The following GSG1L variants were observed in gnomAD, a reference collection of about 807,000 sequenced individuals.
GSG1L encodes germ cell-specific gene 1-like protein.
In GSG1L, 24 loss-of-function variants were observed where a neutral mutation model predicts 42.1. The ratio of observed to expected loss-of-function variants is 0.57; its 90% CI spans 0.41 to 0.80. The LOEUF (loss-of-function observed/expected upper bound fraction) is 0.80. Among genes scored for constraint, GSG1L ranks in the 30% least tolerant of loss-of-function variants. The pLI is 0.00. For synonymous variants in GSG1L, 215 were observed against 203.5 expected, an observed-to-expected ratio of 1.06 and a Z score of -0.48; for missense variants, 445 against 472.2, an observed-to-expected ratio of 0.94 and a Z score of 0.53.
intron 2 of GSG1L, among the ~76,000 whole-genome samples, chr16:27,896,341 C>T (rs2084192329): frequency 6.6e-6 from 1 of 152,174 alleles, no homozygotes; most frequent in Non-Finnish European, 1.5e-5. Flanking sequence ...AAGGTGTCCC[C>T]TTCCTAATCC....
chr16:28,053,621 G>C (rs1020524666), intron 1 of GSG1L, among the ~76,000 whole-genome samples: 1 of 152,202 alleles, frequency 6.6e-6, no homozygotes, highest in Non-Finnish European at 1.5e-5. Flanking sequence ...GAAGGGCCAC[G>C]TGTGCTGCTA....
intron 1 of GSG1L, among the ~76,000 whole-genome samples, chr16:28,001,870 T>C (rs1436306141): frequency 6.6e-6 from 1 of 152,186 alleles, no homozygotes; most frequent in African/African-American, 2.4e-5. Context: ...CACCCGCTGC[T>C]TGGCAACCTT....
chr16:27,955,928 A>G lies in GSG1L; in HGVS notation c.397+7228T>C, dbSNP rs8052632. Among the ~76,000 whole-genome samples, 513 of 56,396 alleles carry G rather than the reference A, an allele frequency of 9.1e-3. 1 individual carries two copies. Among genetic ancestry groups the G allele is most frequent in the African/African-American group, 0.02 (272 of 13,388 alleles). 37.0% of individuals were successfully genotyped at this position (56,396 alleles called of 152,430 possible). The stretch of plus-strand genomic sequence containing the variant: ...AGGAAGGAAGGAAGGAAGGAAGGAA[A>G]GAAGGAAGGAAGGAAGGGAGGAAGG... On this transcript the variant is annotated intron_variant, in intron 2 of 6. Coordinates refer to ENST00000447459, the MANE Select transcript of GSG1L (RefSeq NM_001109763.2).
At chr16:27,924,583 T>A (rs1345055336) in intron 2 of GSG1L, among the ~76,000 whole-genome samples, 1 of 152,170 alleles carries the variant, frequency 6.6e-6, no homozygotes, top group African/African-American at 2.4e-5. Flanking sequence ...CCAAAGAGCA[T>A]GGAGACCTGA....
intron 3 of GSG1L, among the ~76,000 whole-genome samples, chr16:27,848,523 T>C (rs914794834): frequency 1.3e-5 from 2 of 152,188 alleles, no homozygotes; most frequent in African/African-American, 2.4e-5. Flanking sequence ...GCTTTTCACA[T>C]GCCAGACACT....
chr16:28,019,223 G>A (rs532958152), intron 1 of GSG1L, among the ~76,000 whole-genome samples: 7 of 152,210 alleles, frequency 4.6e-5, no homozygotes, highest in Non-Finnish European at 7.3e-5. Context: ...CAAAGACCCT[G>A]CTGATAAAAC....
rs78988514 is a variant in GSG1L, at chr16:27,971,460, G to A, written c.350-8257C>T. 5.4e-3 allele frequency among the ~76,000 whole-genome samples: 827 copies of A among 152,240 alleles called. 5 individuals carry two copies. Among genetic ancestry groups the A allele is most frequent in the African/African-American group, 0.019 (788 of 41,542 alleles). On this transcript the variant is annotated intron_variant, in intron 1 of 6. Coordinates refer to ENST00000447459, the MANE Select transcript of GSG1L (RefSeq NM_001109763.2). ...TCATTTTGGATTGTTCATTGCCAGTGTATAGAAATATAATTAAATTTTGTA... is the reference window on the plus strand; with the variant it reads ...TCATTTTGGATTGTTCATTGCCAGTATATAGAAATATAATTAAATTTTGTA...
In GSG1L at chr16:27,997,438, G is replaced by A. The variant is rs7186529; in HGVS notation, c.350-34235C>T. Among the ~76,000 whole-genome samples the A allele has an allele frequency of 7.9e-3, 1,139 of 143,998 alleles. 13 individuals carry two copies. Among genetic ancestry groups the A allele is most frequent in the African/African-American group, 0.027 (1,059 of 39,108 alleles). The allele number at this position is 143,998 out of a possible 152,430, so 94.5% of individuals were successfully genotyped here. A position where few individuals can be genotyped will look rare whatever the true frequency, so the allele number is the denominator to read the frequency against. On this transcript the variant is annotated intron_variant, in intron 1 of 6. Coordinates refer to ENST00000447459, the MANE Select transcript of GSG1L (RefSeq NM_001109763.2). ...GGATTCAAGCAATTCTCCTGCCTCA[G>A]CCTCCCAAGTAGCTGGGATTACATG...
intron 1 of GSG1L, among the ~76,000 whole-genome samples, chr16:27,996,976 G>T (rs1797317695): frequency 1.3e-5 from 2 of 152,084 alleles, no homozygotes. Flanking sequence ...TGGCCAGGCT[G>T]GTCTCGAACT....
At chr16:27,879,397 G>A (rs1401329175) in intron 3 of GSG1L, among the ~76,000 whole-genome samples, 1 of 152,140 alleles carries the variant, frequency 6.6e-6, no homozygotes, top group African/African-American at 2.4e-5. Flanking sequence ...TGGAGGACAG[G>A]TGTTGAAGGC....
rs1284726292 is a variant in GSG1L at position 27,828,897 on chromosome 16, T to C, written c.722A>G (p.Tyr241Cys). 1.2e-6 allele frequency: 2 copies of C among 1,614,008 alleles called. No individual in the cohort carries two copies. The highest frequency in any genetic ancestry group is 1.7e-6 in the Non-Finnish European group (2 of 1,180,026). ...MAASVTTLNS[Y>C]TKTVIEFRHK... ...CCGGAACTCAATGACCGTCTTGGTGTAGGAGTTGAGCGTGGTGACAGAGGC... is the reference window on the plus strand; with the variant it reads ...CCGGAACTCAATGACCGTCTTGGTGCAGGAGTTGAGCGTGGTGACAGAGGC... Residue 241 changes from tyrosine (Y) to cysteine (C), a missense_variant, in exon 5 of 7, where the codon TAC becomes TGC. Tyr to Cys is a radical substitution (Grantham distance 194, BLOSUM62 -2). Coordinates refer to ENST00000447459, the MANE Select transcript of GSG1L (RefSeq NM_001109763.2).
intron 3 of GSG1L, among the ~76,000 whole-genome samples, chr16:27,879,149 A>C (rs6498044): frequency 6.6e-6 from 1 of 151,978 alleles, no homozygotes; most frequent in East Asian, 1.9e-4. Context: ...ACTCAGAGGG[A>C]CCTGATTCAA....
intron 6 of GSG1L, among the ~76,000 whole-genome samples, chr16:27,802,404 A>T (rs697504): frequency 5.3e-5 from 8 of 151,926 alleles, no homozygotes; most frequent in South Asian, 2.1e-4. Context: ...CTTCCTTATT[A>T]GCTGTTTGAC....
At chr16:27,886,316 T>G (rs911093563) in intron 2 of GSG1L, among the ~76,000 whole-genome samples, 4 of 152,170 alleles carry the variant, frequency 2.6e-5, no homozygotes, top group African/African-American at 9.7e-5. Context: ...GGCATGCACC[T>G]GTAATACCAG....
At chr16:27,985,394 C>G (rs2141129408) in intron 1 of GSG1L, among the ~76,000 whole-genome samples, 1 of 152,238 alleles carries the variant, frequency 6.6e-6, no homozygotes, top group East Asian at 1.9e-4. Flanking sequence ...CTCTCTTTCT[C>G]TAGCTCTCTC....
At chr16:28,053,860 C>A (rs1327534381) in intron 1 of GSG1L, among the ~76,000 whole-genome samples, 2 of 152,194 alleles carry the variant, frequency 1.3e-5, no homozygotes, top group Non-Finnish European at 2.9e-5. Context: ...CGGGTGTGCA[C>A]CCAATGCGGT....
At chr16:28,003,287 T>C (rs1252148556) in intron 1 of GSG1L, among the ~76,000 whole-genome samples, 2 of 152,182 alleles carry the variant, frequency 1.3e-5, no homozygotes, top group East Asian at 3.9e-4. Context: ...AATGGATGCT[T>C]GTTAACACAG....
At chr16:27,813,449 T>C (rs34620550) in intron 5 of GSG1L, among the ~76,000 whole-genome samples, 22,668 of 152,282 alleles carry the variant, frequency 0.15, 1,969 homozygotes, top group Middle Eastern at 0.21. Context: ...GTGTATGTAC[T>C]ACATTTTCTT....
At chr16:27,917,965 CA>C (rs1374331468) in intron 2 of GSG1L, among the ~76,000 whole-genome samples, 2 of 152,032 alleles carry the variant, frequency 1.3e-5, no homozygotes, top group African/African-American at 4.8e-5. Flanking sequence ...TGATTTTTAG[CA>C]AATCCTTCTA....
Sources: gnomAD v4.1 joint callset for allele counts (sites outside exome capture counted in the v4.1 genomes callset) on GRCh38, gnomAD v4.1.1 for gene constraint, MANE v1.5 for transcripts, NCBI Gene and HGNC (gene_info 2026-07-23, HGNC 2026-07-21) for gene names.